The following TM4SF19 variants were observed in gnomAD, a reference collection of about 807,000 sequenced individuals.
TM4SF19 encodes the protein transmembrane 4 L6 family member 19.
TM4SF19 carries 17 observed loss-of-function variants against 21.8 expected under a neutral mutation model. The observed-to-expected ratio is 0.78, with a 90% CI of 0.53 to 1.17. The LOEUF (loss-of-function observed/expected upper bound fraction) is 1.17, where lower values mean the gene tolerates loss of function less well. Ranked by LOEUF, TM4SF19 falls within the 50% of genes most tolerant of loss-of-function variation. The pLI is 0.00. For missense variants in TM4SF19, 216 were observed against 252.1 expected, an observed-to-expected ratio of 0.86 and a Z score of 0.97; for synonymous variants, 107 against 106.7, an observed-to-expected ratio of 1.00 and a Z score of -0.02.
intron 1 of TM4SF19, among the ~76,000 whole-genome samples, chr3:196,334,002 A>C (rs1327370800): frequency 1.3e-5 from 2 of 152,158 alleles, no homozygotes; most frequent in Non-Finnish European, 2.9e-5. Context: ...CAGAGGTTGC[A>C]GTGAGCCAAG....
At chr3:196,332,772 A>C (rs1727572235) in intron 1 of TM4SF19, among the ~76,000 whole-genome samples, 1 of 151,992 alleles carries the variant, frequency 6.6e-6, no homozygotes, top group South Asian at 2.1e-4. Flanking sequence ...TGTAAGTCAA[A>C]ATATCCTAAG....
intron 1 of TM4SF19, among the ~76,000 whole-genome samples, chr3:196,336,282 G>A (rs977721103): frequency 5.3e-5 from 8 of 152,034 alleles, no homozygotes; most frequent in African/African-American, 1.7e-4. Flanking sequence ...GGGATTACAG[G>A]TGCACACCAC....
intron 1 of TM4SF19, among the ~76,000 whole-genome samples, chr3:196,332,489 G>A (rs1192471933): frequency 1.4e-5 from 2 of 145,808 alleles, no homozygotes; most frequent in Admixed American, 7.0e-5. Flanking sequence ...GAAGGGGAAG[G>A]GGAAGGGAAG....
At chr3:196,332,627 ACAC>A (rs1385897913) in intron 1 of TM4SF19, among the ~76,000 whole-genome samples, 6 of 152,104 alleles carry the variant, frequency 3.9e-5, no homozygotes, top group East Asian at 1.9e-4. Flanking sequence ...ACACACACAC[ACAC>A]AATAGTCCCC....
At position 196,324,400 on chromosome 3, in the gene TM4SF19, C is replaced by G. The variant is rs1382899643; in HGVS notation, c.320G>C (p.Gly107Ala). 2 of 1,614,024 alleles carry G rather than the reference C, an allele frequency of 1.2e-6. No homozygotes were observed. Among genetic ancestry groups the G allele is most frequent in the Non-Finnish European group, 1.7e-6 (2 of 1,180,054 alleles). Residue 107 changes from glycine to alanine, a missense_variant, in exon 4 of 5, where the codon GGA (glycine) becomes GCA (alanine). Gly to Ala is a moderately conservative substitution (Grantham distance 60). Transcript: ENST00000273695. The stretch of plus-strand genomic sequence containing the variant: ...AGAAGTGACAAAGCAAATCAGGGCT[C>G]CAAGTAAAGCCAGGCCACCTGACAA... ...ALLSGGLALL[G>A]ALICFVTSGV... is the part of the protein sequence containing the mutation.
intron 1 of TM4SF19, among the ~76,000 whole-genome samples, chr3:196,337,240 T>TA (rs1697740381): frequency 6.6e-6 from 1 of 151,882 alleles, no homozygotes; most frequent in African/African-American, 2.4e-5. Context: ...GTATTTTTAG[T>TA]AGTGATGGGT....
intron 1 of TM4SF19, among the ~76,000 whole-genome samples, chr3:196,335,865 G>A (rs1353434271): frequency 1.3e-5 from 2 of 152,032 alleles, no homozygotes; most frequent in Non-Finnish European, 2.9e-5. Flanking sequence ...CACCCAGGGT[G>A]TTAACAACTC....
chr3:196,331,430 GTCT>G (rs1376057013), intron 1 of TM4SF19, among the ~76,000 whole-genome samples: 1 of 151,438 alleles, frequency 6.6e-6, no homozygotes, highest in Non-Finnish European at 1.5e-5. Flanking sequence ...TTACACGTCT[GTCT>G]CCCCTTAAGG....
Position 196,325,562 on chromosome 3 carries a change from A to T in TM4SF19, c.280-1122T>A, listed in dbSNP as rs899243882. On this transcript the variant is annotated intron_variant, in intron 3 of 4. Coordinates refer to ENST00000273695, the MANE Select transcript of TM4SF19 (RefSeq NM_138461.4). This position sits in a 1 kb window ranked among gnomAD's most constrained non-coding sequence, Gnocchi z 4.3. ...TCCCTCCCCCAAAAATGCCTATTTT[A>T]AAAATGTGAATAACACCTACATAGC... 1.3e-5 allele frequency: 2 copies of T among 152,186 alleles called. No homozygotes were observed. Among genetic ancestry groups the T allele is most frequent in the East Asian group, 1.9e-4 (1 of 5,198 alleles). The allele number at this position is 152,186 out of a possible 1,614,324, so 9.4% of individuals were successfully genotyped here.
At chr3:196,327,164 A>C (rs1577406104) in intron 2 of TM4SF19, 132 bp from the exon 3 acceptor site, 3 of 818,662 alleles carry the variant, frequency 3.7e-6, no homozygotes, top group Non-Finnish European at 6.0e-6. Context: ...CTGGGGACCC[A>C]CATTTGTATG....
intron 1 of TM4SF19, among the ~76,000 whole-genome samples, chr3:196,337,863 G>A (rs547183635): frequency 5.9e-5 from 9 of 151,972 alleles, no homozygotes; most frequent in Admixed American, 2.0e-4. Context: ...CTGCCCCTCA[G>A]CCGAATCTCT....
intron 1 of TM4SF19, among the ~76,000 whole-genome samples, chr3:196,331,810 A>AG (rs1404203227): frequency 6.6e-6 from 1 of 151,688 alleles, no homozygotes; most frequent in Non-Finnish European, 1.5e-5. Flanking sequence ...AATGTAATAG[A>AG]GGTGAGGTCT....
In TM4SF19 at chr3:196,323,927, C is replaced by T. The variant is rs74793211; in HGVS notation, c.520G>A (p.Val174Met). The T allele has an allele frequency of 6.8e-6, 11 of 1,614,068 alleles. No homozygotes were observed. Among genetic ancestry groups the T allele is most frequent in the Middle Eastern group, 1.6e-4 (1 of 6,062 alleles). ...LEPSAAVVWH[V>M]SLFSALLCIS... ...CACAGAAGGGCGGAGAAGAGGGACA[C>T]GTGCCAGACAACAGCTGCAGAGGGC... is the stretch of plus-strand genomic sequence containing the variant. The change falls in exon 5 of 5, where the codon GTG becomes ATG. Residue 174 changes from valine to methionine, a missense_variant. Val to Met is a conservative substitution (Grantham distance 21, BLOSUM62 1). Transcript: ENST00000273695.
chr3:196,327,399 T>G lies in TM4SF19; in HGVS notation c.192A>C (p.Gly64=). ...AACCCCGGACACTTACCATGAGGCC[T>G]CCTCCCCAGAGCCCAGTTCCCAGCA... ...HAMLGTGLWG[G]GLMVLTAAIL... is the part of the protein sequence containing the mutation. The change falls in exon 2 of 5, where the codon GGA becomes GGC. Residue 64 remains glycine (G), a synonymous_variant. Coordinates refer to ENST00000273695, the MANE Select transcript of TM4SF19 (RefSeq NM_138461.4). 6.2e-7 allele frequency: 1 copy of G among 1,613,898 alleles called. No homozygotes were observed. Among genetic ancestry groups the G allele is most frequent in the Non-Finnish European group, 8.5e-7 (1 of 1,179,898 alleles).
At chr3:196,334,515 G>A (rs1278386680) in intron 1 of TM4SF19, among the ~76,000 whole-genome samples, 1 of 151,532 alleles carries the variant, frequency 6.6e-6, no homozygotes, top group Non-Finnish European at 1.5e-5. Flanking sequence ...GTGCAGTGGC[G>A]CGATCTCAGC....
chr3:196,332,730 C>CTA (rs1299616268), intron 1 of TM4SF19, among the ~76,000 whole-genome samples: 1 of 151,926 alleles, frequency 6.6e-6, no homozygotes, highest in Non-Finnish European at 1.5e-5. Flanking sequence ...TGCTTCTCCA[C>CTA]TTATGATGGG....
chr3:196,324,904 A>T (rs890804099), intron 3 of TM4SF19: 3 of 152,870 alleles, frequency 2.0e-5, no homozygotes. Flanking sequence ...CAAATCAAGG[A>T]TAAAAAAAAG....
intron 1 of TM4SF19, among the ~76,000 whole-genome samples, chr3:196,330,940 T>C (rs749397545): frequency 2.0e-5 from 3 of 152,208 alleles, no homozygotes; most frequent in Non-Finnish European, 4.4e-5. Context: ...TCCTCTCTTT[T>C]ATATTTTCAT....
At chr3:196,331,530 G>A (rs890989308) in intron 1 of TM4SF19, among the ~76,000 whole-genome samples, 1 of 151,876 alleles carries the variant, frequency 6.6e-6, no homozygotes, top group Non-Finnish European at 1.5e-5. Context: ...GCTCACGCCT[G>A]TAATCCCAGC....
Sources: gnomAD v4.1 joint callset for allele counts (sites outside exome capture counted in the v4.1 genomes callset) on GRCh38, gnomAD v4.1.1 for gene constraint, Gnocchi (gnomAD v3.1) non-coding constraint, MANE v1.5 for transcripts, NCBI Gene and HGNC (gene_info 2026-07-23, HGNC 2026-07-21) for gene names.